Variants in PIK3R5 observed in about 807,000 individuals in gnomAD.
PIK3R5 encodes the protein phosphoinositide 3-kinase regulatory subunit 5.
PIK3R5 carries 32 observed loss-of-function variants against 94.9 expected under a neutral mutation model. The observed-to-expected ratio is 0.34, with a 90% CI of 0.25 to 0.45. The LOEUF is 0.45. Ranked by LOEUF, PIK3R5 falls within the 20% of genes least tolerant of loss-of-function variation. PIK3R5 has a pLI of 1.00. For synonymous variants in PIK3R5, 443 were observed against 479.4 expected (o/e 0.92, Z 0.99); for missense variants, 853 against 1,144.6 (o/e 0.75, Z 3.68).
intron 5 of PIK3R5, among the ~76,000 whole-genome samples, chr17:8,898,657 G>A (rs1340359165): frequency 3.3e-5 from 5 of 152,122 alleles, no homozygotes; most frequent in Admixed American, 6.5e-5. Context: ...AACCTATGAC[G>A]GTGCTTCATA....
rs1290540357 is a variant in PIK3R5 at position 8,925,128 on chromosome 17, T to C, written c.-13-13621A>G. On this transcript the variant is annotated intron_variant, in intron 1 of 18. Coordinates refer to ENST00000447110, the MANE Select transcript of PIK3R5 (RefSeq NM_001142633.3). The surrounding 1 kb of genome is among the most constrained non-coding windows in gnomAD (Gnocchi z 5.1). ...GATGGATAGATAGATAGTAGATGGA[T>C]AGATAGATAGTAGATGAATAGATAG... 6.6e-6 allele frequency among the ~76,000 whole-genome samples: 1 copy of C among 150,510 alleles called. No homozygotes were observed. Among genetic ancestry groups the C allele is most frequent in the African/African-American group, 2.5e-5 (1 of 40,656 alleles).
chr17:8,890,206 T>A lies in PIK3R5; in HGVS notation c.658-80A>T, dbSNP rs1039722399. 6.1e-6 allele frequency: 9 copies of A among 1,475,040 alleles called. No individual in the cohort carries two copies. In the African/African-American group the frequency reaches 1.1e-4, roughly 18 times the overall value. 91.4% of individuals were successfully genotyped at this position (1,475,040 alleles called of 1,614,324 possible). ...CCTGTTCCAGTTGCTAGCTTCTTACTGAGGGAGGCAGTGATCTGTCCCCTC... is the reference window on the plus strand; with the variant it reads ...CCTGTTCCAGTTGCTAGCTTCTTACAGAGGGAGGCAGTGATCTGTCCCCTC... On this transcript the variant is annotated intron_variant, in intron 7 of 18. Transcript: ENST00000447110. This position sits in a 1 kb window ranked among gnomAD's most constrained non-coding sequence, Gnocchi z 6.1.
chr17:8,913,310 A>T (rs2151418880), intron 1 of PIK3R5, among the ~76,000 whole-genome samples: 1 of 152,310 alleles, frequency 6.6e-6, no homozygotes, highest in South Asian at 2.1e-4. Context: ...GAGAACCTGG[A>T]CCCAGGAGTA....
intron 3 of PIK3R5, 101 bp from the exon 4 acceptor site, chr17:8,905,838 T>C (rs1366580087): frequency 3.2e-6 from 2 of 624,432 alleles, no homozygotes; most frequent in Middle Eastern, 3.2e-4. Flanking sequence ...TTTCTTTTTT[T>C]TTTTTTTTTA....
chr17:8,928,620 G>A (rs1191189426), intron 1 of PIK3R5, among the ~76,000 whole-genome samples: 1 of 152,186 alleles, frequency 6.6e-6, no homozygotes, highest in Non-Finnish European at 1.5e-5. Context: ...ATTGCTGAAG[G>A]ACAAGCACTG....
chr17:8,929,862 T>C (rs1275564244), intron 1 of PIK3R5, among the ~76,000 whole-genome samples: 2 of 152,118 alleles, frequency 1.3e-5, no homozygotes, highest in African/African-American at 4.8e-5. Context: ...CTGGGTACAA[T>C]GTACACTACT....
At chr17:8,908,789 TAA>T (rs1302675712) in intron 3 of PIK3R5, among the ~76,000 whole-genome samples, 3 of 152,154 alleles carry the variant, frequency 2.0e-5, no homozygotes, top group Non-Finnish European at 4.4e-5. Context: ...AGGAATTGGG[TAA>T]AGTGTCTTCT....
chr17:8,941,416 C>T (rs1217703133), intron 1 of PIK3R5, among the ~76,000 whole-genome samples: 3 of 135,968 alleles, frequency 2.2e-5, no homozygotes, highest in Middle Eastern at 3.6e-3. Context: ...TGACCAGAGA[C>T]GGCTTGAAGG....
At chr17:8,898,824 G>A (rs1255388391) in intron 5 of PIK3R5, among the ~76,000 whole-genome samples, 2 of 149,588 alleles carry the variant, frequency 1.3e-5, no homozygotes, top group African/African-American at 4.9e-5. Flanking sequence ...GTCATACAAG[G>A]GTTCGTGTTC....
Position 8,884,259 on chromosome 17 carries a change from C to T in PIK3R5, c.2205+448G>A, listed in dbSNP as rs1373035389. On this transcript the variant is annotated intron_variant, in intron 15 of 18. Transcript: ENST00000447110. The surrounding 1 kb of genome is among the most constrained non-coding windows in gnomAD (Gnocchi z 5.8). ...GACCTGCTCAGAGAACTCATGTCTT[C>T]TGGCATGTCATGGACAGCCCTCCAC... Among the ~76,000 whole-genome samples the T allele has an allele frequency of 1.3e-5, 2 of 152,154 alleles. No homozygotes were observed. Among genetic ancestry groups the T allele is most frequent in the Non-Finnish European group, 2.9e-5 (2 of 68,012 alleles).
intron 1 of PIK3R5, chr17:8,916,830 A>C (rs1597401232): frequency 6.6e-6 from 1 of 152,200 alleles, no homozygotes; most frequent in Non-Finnish European, 1.5e-5. Flanking sequence ...GGCAGGGAGG[A>C]GAGCCTCTTG....
rs140685977 is a variant in PIK3R5, at chr17:8,910,323, A to G, written c.103+1069T>C. Among the ~76,000 whole-genome samples the G allele has an allele frequency of 1.1e-4, 17 of 152,282 alleles. No homozygotes were observed. In the East Asian group the frequency reaches 3.3e-3, roughly 29 times the overall value. On this transcript the variant is annotated intron_variant, in intron 2 of 18. Coordinates refer to ENST00000447110, the MANE Select transcript of PIK3R5 (RefSeq NM_001142633.3). The stretch of plus-strand genomic sequence containing the variant: ...TTGTCAGAAAATTTGCAAAGGTCAG[A>G]TATTTTTATATTCTTTTGCTTAACG...
At chr17:8,963,395 T>A (rs2091599779) in intron 1 of PIK3R5, among the ~76,000 whole-genome samples, 1 of 152,212 alleles carries the variant, frequency 6.6e-6, no homozygotes, top group Non-Finnish European at 1.5e-5. Flanking sequence ...AGGCCCCTGA[T>A]GGATGGCTAA....
At chr17:8,957,615 C>G (rs529785605) in intron 1 of PIK3R5, among the ~76,000 whole-genome samples, 1 of 152,286 alleles carries the variant, frequency 6.6e-6, no homozygotes, top group East Asian at 1.9e-4. Flanking sequence ...GTGGATATGC[C>G]CAGTTCAGTG....
intron 1 of PIK3R5, among the ~76,000 whole-genome samples, chr17:8,948,042 T>TAAAAAAAAAAAAAAAAAAAAAAAAAAAAA (rs71135932): frequency 1.6e-5 from 1 of 62,780 alleles, no homozygotes; most frequent in Admixed American, 2.1e-4. Context: ...GACTCCGTCT[T>TAAAAAAAAAAAAAAAAAAAAAAAAAAAAA]AAAAAAAAAA....
Position 8,886,525 on chromosome 17 carries a change from G to A in PIK3R5, c.1986C>T (p.Tyr662=). The A allele has an allele frequency of 6.2e-7, 1 of 1,612,408 alleles. No individual in the cohort carries two copies. The highest frequency in any genetic ancestry group is 8.5e-7 in the Non-Finnish European group (1 of 1,179,170). The change falls in exon 13 of 19, where the codon TAC becomes TAT. Residue 662 remains tyrosine (Y), a synonymous_variant. Coordinates refer to ENST00000447110, the MANE Select transcript of PIK3R5 (RefSeq NM_001142633.3). ...GCACCGGTCTGGCGGCAAAGCGGCAGTAGTAGAGTAGCATGTCAGCCAGGA... is the reference window on the plus strand; with the variant it reads ...GCACCGGTCTGGCGGCAAAGCGGCAATAGTAGAGTAGCATGTCAGCCAGGA... ...LPILADMLLY[Y]CRFAARPVLL...
intron 1 of PIK3R5, among the ~76,000 whole-genome samples, chr17:8,915,413 CAAA>C (rs201916256): frequency 4.8e-5 from 5 of 104,004 alleles, no homozygotes; most frequent in Admixed American, 2.0e-4. Context: ...GACTCTGTCT[CAAA>C]AAAAAAAAAA....
intron 1 of PIK3R5, among the ~76,000 whole-genome samples, chr17:8,927,073 C>A (rs901376804): frequency 1.3e-4 from 20 of 152,206 alleles, no homozygotes; most frequent in Middle Eastern, 6.8e-3. Context: ...ACCCTGGGGA[C>A]AAGGAATGGC....
chr17:8,885,186 A>C, intron 14 of PIK3R5: 1 of 214,884 alleles, frequency 4.7e-6, no homozygotes, highest in Non-Finnish European at 9.2e-6. Context: ...CCTGCTGGGT[A>C]AGCCTGCCTC....
Sources: gnomAD v4.1 joint callset for allele counts (sites outside exome capture counted in the v4.1 genomes callset) on GRCh38, gnomAD v4.1.1 for gene constraint, Gnocchi (gnomAD v3.1) non-coding constraint, MANE v1.5 for transcripts, NCBI Gene and HGNC (gene_info 2026-07-23, HGNC 2026-07-21) for gene names.